Variants in CUX1 observed in about 807,000 individuals in gnomAD.
The protein encoded by CUX1 is protein CASP.
CUX1 carries 31 observed loss-of-function variants against 158.8 expected under a neutral mutation model. The observed-to-expected ratio is 0.20, with a 90% CI of 0.15 to 0.26. CUX1 has a LOEUF of 0.26. CUX1 is among the 10% of genes least tolerant of loss of function. The pLI, the probability that CUX1 is intolerant of heterozygous loss-of-function variation, is 1.00. For synonymous variants in CUX1, 879 were observed against 862.1 expected (o/e 1.02, Z -0.34); for missense variants, 1,589 against 2,014.6 (o/e 0.79, Z 4.04).
intron 2 of CUX1, among the ~76,000 whole-genome samples, chr7:101,927,495 A>C (rs1805727490): frequency 6.6e-6 from 1 of 152,072 alleles, no homozygotes; most frequent in African/African-American, 2.4e-5. Flanking sequence ...CCATCTCTAC[A>C]AAAAAATGAA....
rs544285785 is a variant in CUX1, at chr7:102,113,950, G to A, written c.608-1257G>A. Among the ~76,000 whole-genome samples the A allele has an allele frequency of 2.1e-3, 319 of 152,274 alleles. 1 individual carries two copies. The highest frequency in any genetic ancestry group is 3.7e-3 in the Non-Finnish European group (253 of 68,028). ...ATCCAGTGTTGGTGACGGTGAAGTG[G>A]CACTTATGGAATGGATGGGCATGGA... is the stretch of plus-strand genomic sequence containing the variant. On this transcript the variant is annotated intron_variant, in intron 7 of 23. Transcript: ENST00000292535.
At chr7:102,110,461 TGTTA>T (rs1175421297) in intron 6 of CUX1, among the ~76,000 whole-genome samples, 15 of 152,236 alleles carry the variant, frequency 9.9e-5, no homozygotes, top group African/African-American at 3.1e-4. Flanking sequence ...GCTTGTTACG[TGTTA>T]GTTCATGTTA....
intron 21 of CUX1, among the ~76,000 whole-genome samples, chr7:102,227,951 CTTTTTTTTTTTTT>C (rs781968632): frequency 8.5e-6 from 1 of 117,302 alleles, no homozygotes; most frequent in Non-Finnish European, 1.7e-5. Context: ...TCTTTTTTTT[CTTTTTTTTTTTTT>C]TTTTTTGAGA....
At chr7:102,164,396 A>T (rs1790786579) in intron 9 of CUX1, among the ~76,000 whole-genome samples, 1 of 152,226 alleles carries the variant, frequency 6.6e-6, no homozygotes, top group Admixed American at 6.5e-5. Context: ...TTGAATGAAT[A>T]TGGGCTTTGA....
At chr7:101,831,734 T>TTTAGTATTA (rs1554383888) in intron 1 of CUX1, among the ~76,000 whole-genome samples, 2 of 147,362 alleles carry the variant, frequency 1.4e-5, no homozygotes, top group African/African-American at 5.0e-5. Flanking sequence ...GAGAAATAAC[T>TTTAGTATTA]TTATTATTAT....
intron 2 of CUX1, among the ~76,000 whole-genome samples, chr7:102,026,657 T>C (rs1315907049): frequency 6.6e-6 from 1 of 151,384 alleles, no homozygotes; most frequent in Non-Finnish European, 1.5e-5. Flanking sequence ...CCGTCTCTAC[T>C]AAAAATACAA....
intron 6 of CUX1, among the ~76,000 whole-genome samples, chr7:102,106,321 C>T (rs1443867528): frequency 1.3e-5 from 2 of 152,052 alleles, no homozygotes. Flanking sequence ...ATCTCTTGAC[C>T]TTGTGATCTG....
intron 11 of CUX1, 143 bp from the exon 12 acceptor site, chr7:102,189,670 T>C: frequency 1.2e-6 from 1 of 815,114 alleles, no homozygotes; most frequent in Non-Finnish European, 2.0e-6. Flanking sequence ...GGACAAAAGA[T>C]GGCCCCAGCA....
At chr7:102,126,171 T>C (rs1215608810) in intron 8 of CUX1, among the ~76,000 whole-genome samples, 8 of 118,332 alleles carry the variant, frequency 6.8e-5, no homozygotes, top group African/African-American at 2.8e-4. Flanking sequence ...GCACCACCAT[T>C]TCCGGCTGTG....
intron 20 of CUX1, among the ~76,000 whole-genome samples, chr7:102,219,044 C>A (rs1797529871): frequency 1.1e-5 from 1 of 87,188 alleles, no homozygotes; most frequent in African/African-American, 3.9e-5. Flanking sequence ...CAGATCAAGA[C>A]CCTGCCTCAA....
intron 1 of CUX1, among the ~76,000 whole-genome samples, chr7:101,881,088 A>G (rs1584866416): frequency 6.6e-6 from 1 of 152,242 alleles, no homozygotes; most frequent in African/African-American, 2.4e-5. Context: ...GGAATAAACA[A>G]TTCTTTTGAA....
At chr7:102,060,011 C>T (rs2130334135) in intron 3 of CUX1, among the ~76,000 whole-genome samples, 1 of 152,100 alleles carries the variant, frequency 6.6e-6, no homozygotes, top group East Asian at 1.9e-4. Flanking sequence ...CGCAGTGGCT[C>T]ACGCCTGTAA....
In CUX1 at chr7:101,978,978, T is replaced by C. The variant is rs191609492; in HGVS notation, c.142-49120T>C. 2.6e-5 allele frequency among the ~76,000 whole-genome samples: 4 copies of C among 152,362 alleles called. No homozygotes were observed. The East Asian group carries it at 7.7e-4, about 29-fold the overall frequency. On this transcript the variant is annotated intron_variant, in intron 2 of 23. Transcript: ENST00000292535. ...ATCTGTTGATGGGCTGGCTGGATTC[T>C]ATGTGGGAAGCATAATGACCAGTGG...
chr7:102,037,904 A>G (rs1821628820), intron 3 of CUX1, among the ~76,000 whole-genome samples: 1 of 151,638 alleles, frequency 6.6e-6, no homozygotes, highest in Non-Finnish European at 1.5e-5. Flanking sequence ...AAAATACAAA[A>G]CTTAGCTGGG....
rs115297264 is a variant in CUX1 at position 102,117,793 on chromosome 7, G to A, written c.674+2520G>A. Among the ~76,000 whole-genome samples, 463 of 152,330 alleles carry A rather than the reference G, an allele frequency of 3.0e-3. 4 individuals carry two copies. Among genetic ancestry groups the A allele is most frequent in the African/African-American group, 0.011 (438 of 41,580 alleles). ...AGGTTTGTGAAGATGCAAGCCTGGC[G>A]AAGCCTGTCTTGGGGAGGACCTGCC... On this transcript the variant is annotated intron_variant, in intron 8 of 23. Coordinates refer to ENST00000292535, the MANE Select transcript of CUX1 (RefSeq NM_181552.4).
At position 102,257,342 on chromosome 7, in the gene CUX1, ATT is replaced by A; in HGVS notation, c.*8302_*8303del. 1.0e-6 allele frequency: 1 copy of A among 981,918 alleles called. No individual in the cohort carries two copies. The highest frequency in any genetic ancestry group is 4.7e-5 in the South Asian group (1 of 21,186). 60.8% of individuals were successfully genotyped at this position (981,918 alleles called of 1,614,324 possible). A position where few individuals can be genotyped will look rare whatever the true frequency, so the allele number is the denominator to read the frequency against. ...TCATTTTTCTCTAATTAGTCTATGC[ATT>A]TCTCTCTCTCAAACCATCTTCTGCC... On this transcript the variant is annotated 3_prime_UTR_variant, in exon 24 of 24. Transcript: ENST00000292535.
At position 102,248,377 on chromosome 7, in the gene CUX1, C is replaced by A. The variant is rs781791785; in HGVS notation, c.3888-35C>A. On this transcript the variant is annotated intron_variant, in intron 23 of 23. Transcript: ENST00000292535. This position sits in a 1 kb window ranked among gnomAD's most constrained non-coding sequence, Gnocchi z 5.8. ...ACCAGAGGCCCTTTCCCCAGCAGCACCCCCCTCACGTCCCCGCCGCTTGTT... is the reference window on the plus strand; with the variant it reads ...ACCAGAGGCCCTTTCCCCAGCAGCAACCCCCTCACGTCCCCGCCGCTTGTT... The A allele has an allele frequency of 2.1e-5, 33 of 1,537,844 alleles. No homozygotes were observed. The highest frequency in any genetic ancestry group is 1.8e-4 in the African/African-American group (13 of 71,946).
intron 5 of CUX1, among the ~76,000 whole-genome samples, chr7:102,101,334 G>A (rs1200377186): frequency 7.9e-5 from 12 of 152,262 alleles, no homozygotes; most frequent in African/African-American, 2.9e-4. Context: ...CTGTTATGCT[G>A]GCCCCGTCCT....
intron 2 of CUX1, among the ~76,000 whole-genome samples, chr7:101,927,374 G>T (rs1471935003): frequency 1.3e-5 from 2 of 152,098 alleles, no homozygotes; most frequent in East Asian, 3.9e-4. Flanking sequence ...AGAAAATTCA[G>T]TTGGCCAAGT....
Sources: gnomAD v4.1 joint callset for allele counts (sites outside exome capture counted in the v4.1 genomes callset) on GRCh38, gnomAD v4.1.1 for gene constraint, Gnocchi (gnomAD v3.1) non-coding constraint, MANE v1.5 for transcripts, NCBI Gene and HGNC (gene_info 2026-07-23, HGNC 2026-07-21) for gene names.